The following NSUN3 variants were observed in gnomAD, a reference collection of about 807,000 sequenced individuals.
The protein encoded by NSUN3 is NOP2/Sun RNA methyltransferase 3.
A neutral mutation model predicts 36.8 loss-of-function variants in NSUN3; 24 were observed. That is an observed-to-expected ratio of 0.65 (90% CI 0.47 to 0.92). The LOEUF is 0.92. Among genes scored for constraint, NSUN3 ranks in the 40% least tolerant of loss-of-function variants. The pLI is 0.00. For synonymous variants in NSUN3, 146 were observed against 145.2 expected (o/e 1.01, Z -0.04); for missense variants, 381 against 392.8 (o/e 0.97, Z 0.25).
intron 1 of NSUN3, chr3:94,064,201 A>C (rs2077193842): frequency 4.0e-6 from 2 of 504,466 alleles, no homozygotes; most frequent in Admixed American, 3.5e-5. Flanking sequence ...CTTCAGCCCC[A>C]GTAGATTCTG....
intron 5 of NSUN3, among the ~76,000 whole-genome samples, chr3:94,096,999 C>CT (rs2107257445): frequency 6.6e-6 from 1 of 152,242 alleles, no homozygotes; most frequent in Admixed American, 6.5e-5. Flanking sequence ...CCTTTTCTTT[C>CT]TATTACCAGG....
chr3:94,075,033 AAG>A (rs1267507632), intron 2 of NSUN3, among the ~76,000 whole-genome samples: 7 of 151,878 alleles, frequency 4.6e-5, no homozygotes, highest in Non-Finnish European at 1.0e-4. Flanking sequence ...GAAATTTGTC[AAG>A]GTCTTTTCTG....
At chr3:94,096,808 C>A (rs1167273783) in intron 5 of NSUN3, among the ~76,000 whole-genome samples, 1 of 152,134 alleles carries the variant, frequency 6.6e-6, no homozygotes. Context: ...GCCTCAGTTT[C>A]TTAATTATTC....
chr3:94,120,431 A>G (rs2077456544), intron 5 of NSUN3, among the ~76,000 whole-genome samples: 1 of 152,024 alleles, frequency 6.6e-6, no homozygotes, highest in African/African-American at 2.4e-5. Context: ...CATTCCCTTC[A>G]CTTCTTAGCC....
intron 3 of NSUN3, among the ~76,000 whole-genome samples, chr3:94,086,436 T>G (rs2077293279): frequency 6.6e-6 from 1 of 152,236 alleles, no homozygotes; most frequent in Admixed American, 6.5e-5. Context: ...AAGTTGATGA[T>G]CTGAAAATGG....
intron 3 of NSUN3, among the ~76,000 whole-genome samples, chr3:94,088,835 A>C (rs545187075): frequency 3.3e-5 from 5 of 151,788 alleles, no homozygotes; most frequent in Non-Finnish European, 7.4e-5. Flanking sequence ...ACCATACCTA[A>C]TTTTTGTATC....
chr3:94,064,604 C>T (rs1325126076), intron 2 of NSUN3, 58 bp downstream of exon 2: 3 of 1,072,922 alleles, frequency 2.8e-6, no homozygotes, highest in Non-Finnish European at 4.2e-6. Flanking sequence ...TGTAGTCCTC[C>T]TTTTTGTGGG....
At chr3:94,100,516 A>G (rs2077360758) in intron 5 of NSUN3, among the ~76,000 whole-genome samples, 1 of 152,152 alleles carries the variant, frequency 6.6e-6, no homozygotes, top group Non-Finnish European at 1.5e-5. Context: ...TCAAAGTCTA[A>G]CTCTCGGTTA....
At chr3:94,115,787 A>G (rs1379132902) in intron 5 of NSUN3, among the ~76,000 whole-genome samples, 1 of 152,210 alleles carries the variant, frequency 6.6e-6, no homozygotes, top group African/African-American at 2.4e-5. Flanking sequence ...AAATTTTCTA[A>G]TCAAGCACCA....
intron 3 of NSUN3, among the ~76,000 whole-genome samples, chr3:94,086,209 G>T (rs913793408): frequency 7.2e-5 from 11 of 152,180 alleles, no homozygotes; most frequent in Non-Finnish European, 1.5e-5. Context: ...CTCCCTAAGT[G>T]CTGTGAGCCA....
rs182907724 is a variant in NSUN3 at position 94,108,384 on chromosome 3, C to T, written c.743+13230C>T. 8.7e-4 allele frequency among the ~76,000 whole-genome samples: 132 copies of T among 152,278 alleles called. 1 individual carries two copies. Among genetic ancestry groups the T allele is most frequent in the East Asian group, 7.7e-4 (4 of 5,176 alleles). ...TTGTTTGTTTTATTTTATTTTGAGA[C>T]GGAGTCTTGCTCTGTTGCCAGGCTG... is the stretch of plus-strand genomic sequence containing the variant. On this transcript the variant is annotated intron_variant, in intron 5 of 5. Coordinates refer to ENST00000314622, the MANE Select transcript of NSUN3 (RefSeq NM_022072.5).
chr3:94,067,386 A>C (rs1348156756), intron 2 of NSUN3, among the ~76,000 whole-genome samples: 2 of 152,226 alleles, frequency 1.3e-5, no homozygotes, highest in Non-Finnish European at 2.9e-5. Flanking sequence ...AACTGTGATT[A>C]TAACAGCTTT....
chr3:94,116,150 C>G (rs1296954508), intron 5 of NSUN3, among the ~76,000 whole-genome samples: 2 of 151,958 alleles, frequency 1.3e-5, no homozygotes, highest in Non-Finnish European at 2.9e-5. Flanking sequence ...TAGTTGGAAG[C>G]CTGTGTAGAT....
At chr3:94,120,920 A>C (rs896091082) in intron 5 of NSUN3, among the ~76,000 whole-genome samples, 2 of 152,172 alleles carry the variant, frequency 1.3e-5, no homozygotes, top group Non-Finnish European at 1.5e-5. Context: ...ACCTATTGCT[A>C]TAGTTAGTAG....
chr3:94,076,125 G>T, intron 2 of NSUN3: 1 of 1,390,054 alleles, frequency 7.2e-7, no homozygotes, highest in Non-Finnish European at 1.0e-6. Flanking sequence ...TCTGGGGATT[G>T]TTCCTCTCCA....
At position 94,129,938 on chromosome 3, in the gene NSUN3, T is replaced by G. The variant is rs2077503351; in HGVS notation, c.*3448T>G. Among the ~76,000 whole-genome samples, 1 of 151,792 alleles carries G rather than the reference T, an allele frequency of 6.6e-6. No homozygotes were observed. Among genetic ancestry groups the G allele is most frequent in the African/African-American group, 2.4e-5 (1 of 41,302 alleles). ...TGGCTAATTTTTTTTGTATTTTTAG[T>G]AAAGATGGGGTTCCACCATCTTGGC... On this transcript the variant is annotated 3_prime_UTR_variant, in exon 6 of 6. Coordinates refer to ENST00000314622, the MANE Select transcript of NSUN3 (RefSeq NM_022072.5).
chr3:94,095,139 A>G lies in NSUN3; in HGVS notation c.728A>G (p.Gln243Arg), dbSNP rs777709467. ...CAAAGGAGGAATTTGCCTCTTCTACAGATAGAGCTGTTAAGGTAAGGACTG... is the reference window on the plus strand; with the variant it reads ...CAAAGGAGGAATTTGCCTCTTCTACGGATAGAGCTGTTAAGGTAAGGACTG... ...ISQRRNLPLL[Q>R]IELLRSAIKA... Residue 243 changes from glutamine to arginine, a missense_variant, in exon 5 of 6, where the codon CAG (glutamine) becomes CGG (arginine). By Grantham distance (43) the Gln-to-Arg change is conservative. Coordinates refer to ENST00000314622, the MANE Select transcript of NSUN3 (RefSeq NM_022072.5). The G allele has an allele frequency of 7.4e-6, 12 of 1,613,850 alleles. No individual in the cohort carries two copies. Among genetic ancestry groups the G allele is most frequent in the Non-Finnish European group, 1.0e-5 (12 of 1,179,782 alleles).
intron 3 of NSUN3, among the ~76,000 whole-genome samples, chr3:94,090,607 G>A (rs555257041): frequency 6.6e-5 from 10 of 151,944 alleles, no homozygotes; most frequent in South Asian, 2.1e-4. Context: ...TGTTTCCTGC[G>A]GTGTGACAGA....
chr3:94,090,815 CAT>C (rs1451242745), intron 3 of NSUN3, among the ~76,000 whole-genome samples: 4 of 152,098 alleles, frequency 2.6e-5, no homozygotes, highest in Non-Finnish European at 2.9e-5. Context: ...GAAAAACTTA[CAT>C]GTTTTTTATT....
Sources: gnomAD v4.1 joint callset for allele counts (sites outside exome capture counted in the v4.1 genomes callset) on GRCh38, gnomAD v4.1.1 for gene constraint, MANE v1.5 for transcripts, NCBI Gene and HGNC (gene_info 2026-07-23, HGNC 2026-07-21) for gene names.